Variants in KMT5B observed in about 807,000 individuals in gnomAD.
KMT5B encodes histone-lysine N-methyltransferase KMT5B.
A neutral mutation model predicts 83.2 loss-of-function variants in KMT5B; 10 were observed. The ratio of observed to expected loss-of-function variants is 0.12; its 90% CI spans 0.07 to 0.20. KMT5B has a LOEUF of 0.20. KMT5B is among the 10% of genes least tolerant of loss of function. The probability of loss-of-function intolerance (pLI) is 1.00; values close to 1 mark genes in which losing one functional copy is unlikely to be tolerated. For synonymous variants in KMT5B, 349 were observed against 388.8 expected, an observed-to-expected ratio of 0.90 and a Z score of 1.20; for missense variants, 753 against 1,067.2, an observed-to-expected ratio of 0.71 and a Z score of 4.10.
chr11:68,212,652 G>A (rs1328797611), intron 1 of KMT5B: 1 of 152,464 alleles, frequency 6.6e-6, no homozygotes, highest in African/African-American at 2.4e-5. Context: ...GCGGCCGCGG[G>A]GTCGCCGGGC....
At position 68,158,667 on chromosome 11, in the gene KMT5B, G is replaced by A. The variant is rs1360272364; in HGVS notation, c.1679C>T (p.Thr560Met). 1 of 1,614,096 alleles carries A rather than the reference G, an allele frequency of 6.2e-7. No homozygotes were observed. Among genetic ancestry groups the A allele is most frequent in the Admixed American group, 1.7e-5 (1 of 60,008 alleles). ...EASDIKLEPN[T>M]LNGYKSSVTE... ...CACACTGCTTTTATAGCCATTCAAC[G>A]TATTTGGTTCAAGCTTGATGTCAGA... Residue 560 changes from threonine (T) to methionine (M), a missense_variant, in exon 11 of 11, where the codon ACG (threonine) becomes ATG (methionine). Physicochemically the swap from Thr to Met is moderately conservative, Grantham distance 81. Around this residue, in one of 9 missense-constraint regions of KMT5B, gnomAD observed 397 missense variants for 395.9 expected, o/e 1.00. Coordinates refer to ENST00000304363, the MANE Select transcript of KMT5B (RefSeq NM_017635.5).
chr11:68,169,239 G>A (rs1855611836), intron 9 of KMT5B, among the ~76,000 whole-genome samples: 1 of 152,346 alleles, frequency 6.6e-6, no homozygotes, highest in East Asian at 1.9e-4. Context: ...ATCTGCTCAA[G>A]GAAAATGACT....
At chr11:68,187,499 A>C (rs558980693) in intron 2 of KMT5B, among the ~76,000 whole-genome samples, 2 of 152,246 alleles carry the variant, frequency 1.3e-5, no homozygotes, top group African/African-American at 4.8e-5. Context: ...GAAATTCCCA[A>C]ATTTCCTTGT....
chr11:68,172,949 TGG>T (rs1367516840), intron 6 of KMT5B, among the ~76,000 whole-genome samples: 1 of 152,186 alleles, frequency 6.6e-6, no homozygotes, highest in Middle Eastern at 3.2e-3. Context: ...ATGTTTTTCC[TGG>T]GAGATAACAT....
In KMT5B at chr11:68,204,314, G is replaced by C. The variant is rs367776387; in HGVS notation, c.-77+8824C>G. On this transcript the variant is annotated intron_variant, in intron 1 of 10. Coordinates refer to ENST00000304363, the MANE Select transcript of KMT5B (RefSeq NM_017635.5). The stretch of plus-strand genomic sequence containing the variant: ...CTACCTTATAAGGAAAATGGTCTTT[G>C]AAGATGTTATAAAAAATTTTGAGAT... Among the ~76,000 whole-genome samples, 23 of 152,320 alleles carry C rather than the reference G, an allele frequency of 1.5e-4. No individual in the cohort carries two copies. The East Asian group carries it at 4.2e-3, about 28-fold the overall frequency.
intron 6 of KMT5B, among the ~76,000 whole-genome samples, chr11:68,172,877 G>C (rs867604090): frequency 1.2e-4 from 18 of 152,132 alleles, no homozygotes; most frequent in South Asian, 4.1e-4. Flanking sequence ...TCCATTTTCA[G>C]ATATCTGACC....
chr11:68,166,295 T>G (rs1855313502), intron 10 of KMT5B: 1 of 1,100,474 alleles, frequency 9.1e-7, no homozygotes, highest in African/African-American at 1.6e-5. Context: ...TTCCTTTCTC[T>G]TTGTTTAGTC....
chr11:68,176,568 GA>G (rs1856402472), intron 4 of KMT5B: 1 of 152,088 alleles, frequency 6.6e-6, no homozygotes, highest in Admixed American at 6.6e-5. Flanking sequence ...GATGGATCAC[GA>G]GGTCAGGAGA....
chr11:68,163,203 A>T (rs1445013621), intron 10 of KMT5B, among the ~76,000 whole-genome samples: 1 of 152,198 alleles, frequency 6.6e-6, no homozygotes, highest in Non-Finnish European at 1.5e-5. Flanking sequence ...GTGGGGGTAC[A>T]CATTCTTCTC....
chr11:68,172,353 C>T (rs1194330251), intron 6 of KMT5B, among the ~76,000 whole-genome samples: 1 of 151,974 alleles, frequency 6.6e-6, no homozygotes, highest in Admixed American at 6.6e-5. Flanking sequence ...CTGCCTCAGC[C>T]TAAGTAGCTG....
chr11:68,163,047 G>T (rs201514285), intron 10 of KMT5B, among the ~76,000 whole-genome samples: 1 of 134,026 alleles, frequency 7.5e-6, no homozygotes, highest in African/African-American at 2.9e-5. Context: ...TGATTTTAAA[G>T]TCCATCAAGA....
At chr11:68,167,908 ACAC>A (rs1855469347) in intron 9 of KMT5B, among the ~76,000 whole-genome samples, 1 of 152,206 alleles carries the variant, frequency 6.6e-6, no homozygotes, top group Non-Finnish European at 1.5e-5. Flanking sequence ...ATGGTGGCTC[ACAC>A]CTGTAATCCC....
intron 1 of KMT5B, among the ~76,000 whole-genome samples, chr11:68,210,680 C>T (rs1190017948): frequency 6.6e-6 from 1 of 152,144 alleles, no homozygotes; most frequent in Non-Finnish European, 1.5e-5. Flanking sequence ...GACCGGCTAG[C>T]CCCAAATCAA....
intron 6 of KMT5B, among the ~76,000 whole-genome samples, chr11:68,172,870 A>G (rs1173377632): frequency 1.3e-5 from 2 of 151,962 alleles, no homozygotes. Flanking sequence ...TTACCTATCC[A>G]TTTTCAGATA....
In KMT5B at chr11:68,173,920, C is replaced by G. The variant is rs1245551609; in HGVS notation, c.544-7G>C. On this transcript the variant is annotated splice_region_variant and splice_polypyrimidine_tract_variant and intron_variant, in intron 5 of 10. Coordinates refer to ENST00000304363, the MANE Select transcript of KMT5B (RefSeq NM_017635.5). ...TTCGCAAATAAATAAATACCTAAAA[C>G]AGGAAAAAAAAATTGATAATGACTT... is the stretch of plus-strand genomic sequence containing the variant. The G allele has an allele frequency of 5.2e-6, 8 of 1,535,774 alleles. No homozygotes were observed. Among genetic ancestry groups the G allele is most frequent in the Non-Finnish European group, 7.0e-6 (8 of 1,135,536 alleles).
At chr11:68,210,942 C>T (rs559395150) in intron 1 of KMT5B, among the ~76,000 whole-genome samples, 1 of 152,236 alleles carries the variant, frequency 6.6e-6, no homozygotes, top group African/African-American at 2.4e-5. Context: ...AATAATGGGA[C>T]CACGGCGATT....
At chr11:68,203,651 C>T (rs1317292069) in intron 1 of KMT5B, among the ~76,000 whole-genome samples, 1 of 152,186 alleles carries the variant, frequency 6.6e-6, no homozygotes, top group East Asian at 1.9e-4. Context: ...TGTTAGAAAA[C>T]TACCACGAAT....
intron 10 of KMT5B, among the ~76,000 whole-genome samples, chr11:68,161,480 G>A (rs551030236): frequency 2.0e-5 from 3 of 151,830 alleles, no homozygotes; most frequent in African/African-American, 4.8e-5. Context: ...CTCTCATGAC[G>A]TACCTGCAAG....
chr11:68,159,827 C>CTTAGAGGCCCACTTAGAAG, intron 10 of KMT5B, among the ~76,000 whole-genome samples: 1 of 152,352 alleles, frequency 6.6e-6, no homozygotes, highest in Non-Finnish European at 1.5e-5. Context: ...AGTGGGCTGT[C>CTTAGAGGCCCACTTAGAAG]AACTTAGAAG....
Sources: gnomAD v4.1 joint callset for allele counts (sites outside exome capture counted in the v4.1 genomes callset) on GRCh38, gnomAD v4.1.1 for gene constraint, gnomAD v4.1.1 regional missense constraint, MANE v1.5 for transcripts, NCBI Gene and HGNC (gene_info 2026-07-23, HGNC 2026-07-21) for gene names.